GPBP1: variants seen among roughly 807,000 people sequenced by gnomAD.
The protein encoded by GPBP1 is vasculin.
GPBP1 carries 13 observed loss-of-function variants against 56.5 expected under a neutral mutation model. That is an observed-to-expected ratio of 0.23 (90% CI 0.15 to 0.37). The LOEUF (loss-of-function observed/expected upper bound fraction) is 0.37, where lower values mean the gene tolerates loss of function less well. Among genes scored for constraint, GPBP1 ranks in the 10% least tolerant of loss-of-function variants. The pLI, the probability that GPBP1 is intolerant of heterozygous loss-of-function variation, is 1.00. For missense variants in GPBP1, 477 were observed against 572.3 expected (o/e 0.83, Z 1.70); for synonymous variants, 204 against 188.9 (o/e 1.08, Z -0.66).
At chr5:57,203,974 T>C (rs544494027) in intron 2 of GPBP1, among the ~76,000 whole-genome samples, 1 of 152,302 alleles carries the variant, frequency 6.6e-6, no homozygotes, top group Non-Finnish European at 1.5e-5. Flanking sequence ...CTTTGAATAA[T>C]AGGGCATTTA....
chr5:57,188,764 A>G (rs947742943), intron 2 of GPBP1, among the ~76,000 whole-genome samples: 1 of 152,088 alleles, frequency 6.6e-6, no homozygotes, highest in Admixed American at 6.6e-5. Context: ...AAGGCAAGCT[A>G]CAGTCTTACT....
intron 10 of GPBP1, among the ~76,000 whole-genome samples, chr5:57,259,363 A>C (rs1308601716): frequency 6.6e-6 from 1 of 152,248 alleles, no homozygotes; most frequent in East Asian, 1.9e-4. Context: ...GTCTATAAGC[A>C]GCTATTGTGT....
rs559047402 is a variant in GPBP1, at chr5:57,211,789, G to C, written c.-57-2285G>C. ...GTAGAGACGAGGTTTCTCCTTGTTG[G>C]TCAAACTCCCAACCTCAGGTGATCT... On this transcript the variant is annotated intron_variant, in intron 2 of 11. Coordinates refer to ENST00000506184, the MANE Select transcript of GPBP1 (RefSeq NM_022913.4). Among the ~76,000 whole-genome samples, 394 of 151,634 alleles carry C rather than the reference G, an allele frequency of 2.6e-3. 5 individuals are homozygous for C. Among genetic ancestry groups the C allele is most frequent in the Non-Finnish European group, 1.9e-3 (132 of 67,872 alleles).
chr5:57,234,472 T>G (rs1454323487), intron 5 of GPBP1, among the ~76,000 whole-genome samples: 3 of 152,238 alleles, frequency 2.0e-5, no homozygotes, highest in African/African-American at 7.2e-5. Context: ...GTTCAGTGGC[T>G]CATGCCTGTT....
At chr5:57,249,341 T>C in intron 8 of GPBP1, 68 bp from the exon 9 acceptor site, 2 of 1,145,232 alleles carry the variant, frequency 1.7e-6, no homozygotes, top group Non-Finnish European at 2.5e-6. Flanking sequence ...GCTGTGGTAG[T>C]AGTGAATTTT....
chr5:57,255,621 T>G (rs1277170510), intron 10 of GPBP1, among the ~76,000 whole-genome samples: 6 of 152,258 alleles, frequency 3.9e-5, no homozygotes, highest in Admixed American at 3.9e-4. Context: ...AAAGATTTTT[T>G]TAACTCCTAG....
At chr5:57,225,744 G>A (rs1403358354) in intron 3 of GPBP1, among the ~76,000 whole-genome samples, 1 of 152,122 alleles carries the variant, frequency 6.6e-6, no homozygotes, top group Non-Finnish European at 1.5e-5. Flanking sequence ...GAGTCAAACA[G>A]CAGCTGGAGG....
intron 2 of GPBP1, among the ~76,000 whole-genome samples, chr5:57,177,890 A>G (rs1753863705): frequency 6.6e-6 from 1 of 151,534 alleles, no homozygotes; most frequent in African/African-American, 2.4e-5. Flanking sequence ...TTTTGCTTAA[A>G]CTGTTGAATC....
At position 57,207,938 on chromosome 5, in the gene GPBP1, C is replaced by T. The variant is rs542276834; in HGVS notation, c.-57-6136C>T. Among the ~76,000 whole-genome samples the T allele has an allele frequency of 2.0e-5, 3 of 152,170 alleles. No individual in the cohort carries two copies. The South Asian group carries it at 6.2e-4, about 32-fold the overall frequency. On this transcript the variant is annotated intron_variant, in intron 2 of 11. Coordinates refer to ENST00000506184, the MANE Select transcript of GPBP1 (RefSeq NM_022913.4). ...TGTTCTTCCGCCGATATGTCCCTCT[C>T]GATGACGTCCAGCCACTTGTGTCTC... is the stretch of plus-strand genomic sequence containing the variant.
chr5:57,196,538 T>C (rs1019849520), intron 2 of GPBP1, among the ~76,000 whole-genome samples: 1 of 152,200 alleles, frequency 6.6e-6, no homozygotes, highest in Non-Finnish European at 1.5e-5. Flanking sequence ...CAAATTTGCT[T>C]TCATGGTGCT....
At chr5:57,220,813 G>A (rs1755925323) in intron 3 of GPBP1, among the ~76,000 whole-genome samples, 1 of 150,802 alleles carries the variant, frequency 6.6e-6, no homozygotes. Context: ...GCCCAAAGTG[G>A]TTTTGACAAA....
chr5:57,241,441 T>C (rs1740821361), intron 6 of GPBP1, among the ~76,000 whole-genome samples: 1 of 152,166 alleles, frequency 6.6e-6, no homozygotes, highest in African/African-American at 2.4e-5. Context: ...AAGTCAATTA[T>C]AGGGCCAGGA....
intron 3 of GPBP1, among the ~76,000 whole-genome samples, chr5:57,221,680 C>G (rs1755965534): frequency 6.6e-6 from 1 of 152,106 alleles, no homozygotes; most frequent in Non-Finnish European, 1.5e-5. Flanking sequence ...GTAGTTTTCT[C>G]TGTAGTGTAT....
chr5:57,256,153 G>GGCT (rs1174414156), intron 10 of GPBP1, among the ~76,000 whole-genome samples: 2 of 152,152 alleles, frequency 1.3e-5, no homozygotes, highest in Non-Finnish European at 2.9e-5. Context: ...CTACTGAGGA[G>GGCT]GCTGAAGCAC....
At chr5:57,226,893 C>G (rs1756223296) in intron 3 of GPBP1, among the ~76,000 whole-genome samples, 1 of 151,806 alleles carries the variant, frequency 6.6e-6, no homozygotes, top group Non-Finnish European at 1.5e-5. Context: ...GTGCCCGCCA[C>G]CGCGCCTGAC....
Position 57,262,840 on chromosome 5 carries a change from A to C in GPBP1, c.*88A>C, listed in dbSNP as rs966973374. On this transcript the variant is annotated 3_prime_UTR_variant, in exon 12 of 12. Coordinates refer to ENST00000506184, the MANE Select transcript of GPBP1 (RefSeq NM_022913.4). ...TTGTAAAAATGAAGAACTATAATTT[A>C]TGTAGTGAAATACCCCATTAGAAGA... The C allele has an allele frequency of 1.7e-5, 20 of 1,181,998 alleles. 1 individual carries two copies. In the Admixed American group the frequency reaches 4.4e-4, roughly 26 times the overall value. 73.2% of individuals were successfully genotyped at this position (1,181,998 alleles called of 1,614,324 possible).
intron 2 of GPBP1, among the ~76,000 whole-genome samples, chr5:57,178,957 T>C (rs1753917744): frequency 6.6e-6 from 1 of 152,208 alleles, no homozygotes; most frequent in Non-Finnish European, 1.5e-5. Flanking sequence ...GTGTAATTTA[T>C]GTGGCATATT....
intron 2 of GPBP1, among the ~76,000 whole-genome samples, chr5:57,200,174 CTTTCCTTTT>C (rs1367478249): frequency 6.5e-5 from 9 of 137,488 alleles, no homozygotes; most frequent in African/African-American, 2.7e-5. Context: ...TCCTTCCTCT[CTTTCCTTTT>C]CTTTCTTTCG....
chr5:57,203,710 G>A (rs1755112908), intron 2 of GPBP1, among the ~76,000 whole-genome samples: 1 of 152,182 alleles, frequency 6.6e-6, no homozygotes, highest in South Asian at 2.1e-4. Context: ...AGAGGATGGA[G>A]TCTAACAAAT....
Sources: gnomAD v4.1 joint callset for allele counts (sites outside exome capture counted in the v4.1 genomes callset) on GRCh38, gnomAD v4.1.1 for gene constraint, MANE v1.5 for transcripts, NCBI Gene and HGNC (gene_info 2026-07-23, HGNC 2026-07-21) for gene names.